Variants in STPG2 observed in about 807,000 individuals in gnomAD.
The protein encoded by STPG2 is sperm-tail PG-rich repeat-containing protein 2.
STPG2 carries 56 observed loss-of-function variants against 54.2 expected under a neutral mutation model. The observed-to-expected ratio is 1.03, with a 90% CI of 0.83 to 1.29. The LOEUF is 1.29. Ranked by LOEUF, STPG2 falls within the 50% of genes most tolerant of loss-of-function variation. The probability of loss-of-function intolerance (pLI) is 0.00; values close to 1 mark genes in which losing one functional copy is unlikely to be tolerated. For missense variants in STPG2, 596 were observed against 544.9 expected (o/e 1.09, Z -0.93); for synonymous variants, 200 against 181.8 (o/e 1.10, Z -0.81).
At chr4:98,096,562 C>T (rs955511194) in intron 5 of STPG2, among the ~76,000 whole-genome samples, 2 of 151,752 alleles carry the variant, frequency 1.3e-5, no homozygotes, top group African/African-American at 2.4e-5. Context: ...TCTTCAAGAA[C>T]TAAAATGGCA....
chr4:97,545,414 T>C (rs573454974), intron 4 of STPG2, among the ~76,000 whole-genome samples: 1 of 152,200 alleles, frequency 6.6e-6, no homozygotes, highest in East Asian at 1.9e-4. Flanking sequence ...GAAATACCCT[T>C]GATGTTAATT....
chr4:98,044,606 T>G (rs1428693029), intron 5 of STPG2, among the ~76,000 whole-genome samples: 1 of 152,142 alleles, frequency 6.6e-6, no homozygotes, highest in Non-Finnish European at 1.5e-5. Flanking sequence ...CCATATCAGC[T>G]CAACCATGCC....
At chr4:97,547,513 T>C (rs1026328690) in intron 4 of STPG2, among the ~76,000 whole-genome samples, 1 of 152,126 alleles carries the variant, frequency 6.6e-6, no homozygotes, top group Non-Finnish European at 1.5e-5. Flanking sequence ...CCCGGCCTTT[T>C]AAATGGCTTT....
chr4:97,559,879 T>C (rs1041787691), intron 10 of STPG2, among the ~76,000 whole-genome samples: 9 of 152,206 alleles, frequency 5.9e-5, no homozygotes, highest in Non-Finnish European at 2.9e-5. Context: ...AATAAATATA[T>C]AGTAAGAGCC....
intron 10 of STPG2, among the ~76,000 whole-genome samples, chr4:97,712,447 A>G (rs1724152642): frequency 6.6e-6 from 1 of 152,152 alleles, no homozygotes; most frequent in South Asian, 2.1e-4. Context: ...GTAGTAATAT[A>G]AATAAATTAT....
chr4:97,895,148 T>A (rs1227511964), intron 8 of STPG2, among the ~76,000 whole-genome samples: 1 of 151,902 alleles, frequency 6.6e-6, no homozygotes, highest in African/African-American at 2.4e-5. Flanking sequence ...TAAAGTATGA[T>A]AGTGATGACA....
intron 9 of STPG2, among the ~76,000 whole-genome samples, chr4:97,742,933 G>T (rs546325214): frequency 5.9e-5 from 9 of 151,520 alleles, no homozygotes; most frequent in African/African-American, 2.2e-4. Context: ...AAAATAATAT[G>T]TAAAATGAGG....
chr4:97,735,026 T>C (rs1175809721), intron 9 of STPG2, among the ~76,000 whole-genome samples: 52 of 148,864 alleles, frequency 3.5e-4, no homozygotes, highest in Admixed American at 2.2e-3. Context: ...TGAGTTGAGA[T>C]GGCGTCACTG....
intron 8 of STPG2, among the ~76,000 whole-genome samples, chr4:97,853,768 C>A (rs536886131): frequency 6.6e-6 from 1 of 152,082 alleles, no homozygotes. Flanking sequence ...CAAAATGCTA[C>A]GGAAGTGATA....
chr4:97,946,147 G>C (rs1409715904), intron 7 of STPG2, among the ~76,000 whole-genome samples: 3 of 152,110 alleles, frequency 2.0e-5, no homozygotes, highest in African/African-American at 7.2e-5. Flanking sequence ...CTGATGACTA[G>C]TGATGTTGAA....
chr4:97,659,178 G>C (rs1722302467), intron 10 of STPG2, among the ~76,000 whole-genome samples: 1 of 152,118 alleles, frequency 6.6e-6, no homozygotes, highest in African/African-American at 2.4e-5. Context: ...ATCAAGATGA[G>C]TCCATATCTT....
At chr4:98,091,245 C>CCT (rs1487207894) in intron 5 of STPG2, among the ~76,000 whole-genome samples, 5 of 151,372 alleles carry the variant, frequency 3.3e-5, no homozygotes. Flanking sequence ...TCATGATTTC[C>CCT]CTCTCTCTCT....
chr4:97,524,569 G>T (rs1013288579), intron 4 of STPG2, among the ~76,000 whole-genome samples: 4 of 151,802 alleles, frequency 2.6e-5, no homozygotes, highest in Non-Finnish European at 4.4e-5. Context: ...AAACCCAAAG[G>T]ATCATCAAGG....
intron 6 of STPG2, among the ~76,000 whole-genome samples, chr4:97,976,036 T>C (rs1734486654): frequency 1.3e-5 from 2 of 152,178 alleles, no homozygotes; most frequent in Admixed American, 1.3e-4. Context: ...AGTGATTAAA[T>C]CTTTCTGCAT....
chr4:98,109,239 ACT>A lies in STPG2; in HGVS notation c.452_453del (p.Glu151ValfsTer3). On this transcript the variant is annotated frameshift_variant, in exon 4 of 11. Transcript: ENST00000295268. LOFTEE classifies it high-confidence loss of function. ...GGACCAGGACCTGACTTTTTAGGTA[ACT>A]CTTGTCTTCCTGAAGAGTTGCCAAA... is the stretch of plus-strand genomic sequence containing the variant. ...IHFGNSSGRQELPKKSGPGPG... is the reference protein window; with the variant it reads ...IHFGNSSGRQXLPKKSGPGPG... 3.7e-6 allele frequency: 6 copies of A among 1,611,388 alleles called. No individual in the cohort carries two copies. Among genetic ancestry groups the A allele is most frequent in the Non-Finnish European group, 5.1e-6 (6 of 1,178,522 alleles).
intron 10 of STPG2, among the ~76,000 whole-genome samples, chr4:97,638,337 A>G (rs1435126532): frequency 6.6e-6 from 1 of 152,120 alleles, no homozygotes; most frequent in Admixed American, 6.5e-5. Flanking sequence ...TTATACAAAA[A>G]TCAATTCAAG....
chr4:97,564,705 C>T (rs1560662780), intron 10 of STPG2, among the ~76,000 whole-genome samples: 1 of 152,062 alleles, frequency 6.6e-6, no homozygotes, highest in Non-Finnish European at 1.5e-5. Flanking sequence ...CTTAGTTTGG[C>T]TTGATATGAA....
intron 10 of STPG2, among the ~76,000 whole-genome samples, chr4:97,596,866 C>T (rs758698090): frequency 1.2e-4 from 18 of 151,490 alleles, no homozygotes; most frequent in Non-Finnish European, 2.2e-4. Context: ...GCTAGAGAAA[C>T]AAGAGCAAAC....
At chr4:97,472,581 T>C (rs1364554720) in intron 4 of STPG2, among the ~76,000 whole-genome samples, 1 of 152,204 alleles carries the variant, frequency 6.6e-6, no homozygotes, top group Non-Finnish European at 1.5e-5. Flanking sequence ...CCAAGATGTC[T>C]TTCAGTAGAT....
Sources: gnomAD v4.1 joint callset for allele counts (sites outside exome capture counted in the v4.1 genomes callset) on GRCh38, gnomAD v4.1.1 for gene constraint, MANE v1.5 for transcripts, NCBI Gene and HGNC (gene_info 2026-07-23, HGNC 2026-07-21) for gene names.